The following AUTS2 variants were observed in gnomAD, a reference collection of about 807,000 sequenced individuals.
The protein encoded by AUTS2 is activator of transcription and developmental regulator AUTS2.
Under a neutral mutation model 112.4 loss-of-function variants are expected in AUTS2, and 17 were observed. That is an observed-to-expected ratio of 0.15 (90% CI 0.10 to 0.23). The LOEUF (loss-of-function observed/expected upper bound fraction) is 0.23. Among genes scored for constraint, AUTS2 ranks in the 10% least tolerant of loss-of-function variants. The pLI is 1.00. For synonymous variants in AUTS2, 751 were observed against 702.7 expected (o/e 1.07, Z -1.09); for missense variants, 1,510 against 1,701.6 (o/e 0.89, Z 1.98).
At chr7:69,696,821 T>C (rs1315051183) in intron 1 of AUTS2, among the ~76,000 whole-genome samples, 2 of 152,216 alleles carry the variant, frequency 1.3e-5, no homozygotes, top group Non-Finnish European at 2.9e-5. Flanking sequence ...TGGTAAAATA[T>C]GTATGTCTTT....
In AUTS2 at chr7:70,578,921, T is replaced by C. The variant is rs550984928; in HGVS notation, c.691-119648T>C. 7.3e-4 allele frequency among the ~76,000 whole-genome samples: 104 copies of C among 141,650 alleles called. 1 individual carries two copies. Among genetic ancestry groups the C allele is most frequent in the African/African-American group, 2.4e-3 (92 of 37,556 alleles). The allele number at this position is 141,650 out of a possible 152,430, so 92.9% of individuals were successfully genotyped here. A position where few individuals can be genotyped will look rare whatever the true frequency, so the allele number is the denominator to read the frequency against. On this transcript the variant is annotated intron_variant, in intron 5 of 18. Transcript: ENST00000342771. ...CTTCTTTCCTTTCTTTCTTTTTTTT[T>C]CTTTCTTTTTTTTTTTTTGAGAAAC...
rs1019604396 is a variant in AUTS2 at position 70,694,147 on chromosome 7, C to G, written c.691-4422C>G. Reference sequence around the variant, plus strand: ...CGTAGCCGCCGCCCCCTCCTGCTACCGTCCAGCCAGGGAGCCCGCGGCGGC... The same window carrying G: ...CGTAGCCGCCGCCCCCTCCTGCTACGGTCCAGCCAGGGAGCCCGCGGCGGC... On this transcript the variant is annotated intron_variant, in intron 5 of 18. Transcript: ENST00000342771. The surrounding 1 kb of genome is among the most constrained non-coding windows in gnomAD (Gnocchi z 4.1). The G allele has an allele frequency of 5.3e-5, 8 of 151,300 alleles. No individual in the cohort carries two copies. The highest frequency in any genetic ancestry group is 1.7e-4 in the African/African-American group (7 of 41,344). The allele number at this position is 151,300 out of a possible 1,614,324, so 9.4% of individuals were successfully genotyped here.
intron 3 of AUTS2, among the ~76,000 whole-genome samples, chr7:70,131,464 T>C (rs1488799047): frequency 6.6e-6 from 1 of 152,148 alleles, no homozygotes; most frequent in Non-Finnish European, 1.5e-5. Flanking sequence ...CCTGTCTACT[T>C]TCATGGTTCT....
At position 70,764,989 on chromosome 7, in the gene AUTS2, C is replaced by A. The variant is rs528878518; in HGVS notation, c.1452C>A (p.Ala484=). ...GTCTGCAGGTGGCCGGACACCCGGC[C>A]GGGAGCACTTACTCAGGTAGGACGG... ...SGSLQVAGHP[A]GSTYSEQDIL... Residue 484 remains alanine (A), a synonymous_variant, in exon 8 of 19, where the codon GCC becomes GCA. Coordinates refer to ENST00000342771, the MANE Select transcript of AUTS2 (RefSeq NM_015570.4). 2 of 1,613,830 alleles carry A rather than the reference C, an allele frequency of 1.2e-6. No individual in the cohort carries two copies. Among genetic ancestry groups the A allele is most frequent in the Admixed American group, 1.7e-5 (1 of 60,002 alleles).
At chr7:70,064,464 A>G (rs1475640224) in intron 2 of AUTS2, among the ~76,000 whole-genome samples, 1 of 152,198 alleles carries the variant, frequency 6.6e-6, no homozygotes, top group Non-Finnish European at 1.5e-5. Flanking sequence ...GCCTTGGAAC[A>G]AACAAAAGTG....
chr7:70,375,167 C>G (rs897083838), intron 4 of AUTS2, among the ~76,000 whole-genome samples: 1 of 152,158 alleles, frequency 6.6e-6, no homozygotes, highest in Non-Finnish European at 1.5e-5. Flanking sequence ...CATACTGATT[C>G]AATATGTTAA....
intron 5 of AUTS2, among the ~76,000 whole-genome samples, chr7:70,463,161 C>G (rs1334884012): frequency 5.3e-5 from 8 of 152,194 alleles, no homozygotes; most frequent in African/African-American, 1.9e-4. Context: ...GTTTTGGACC[C>G]ATCTCTAGTA....
chr7:70,776,516 G>C (rs534375684), intron 13 of AUTS2, among the ~76,000 whole-genome samples: 13 of 152,202 alleles, frequency 8.5e-5, no homozygotes, highest in Admixed American at 8.5e-4. Context: ...TTAAACTTAG[G>C]AACAGCGCCC....
intron 13 of AUTS2, 128 bp from the exon 14 acceptor site, chr7:70,776,974 GA>G (rs1188552048): frequency 3.8e-6 from 3 of 799,230 alleles, no homozygotes; most frequent in South Asian, 2.9e-5. Flanking sequence ...GGCACTTGGA[GA>G]GTACAAAGCA....
At chr7:69,875,702 T>C (rs1793699677) in intron 1 of AUTS2, among the ~76,000 whole-genome samples, 1 of 152,208 alleles carries the variant, frequency 6.6e-6, no homozygotes. Flanking sequence ...GGTGTCCCAA[T>C]TGAACCTTAT....
chr7:70,729,423 T>C (rs964294800), intron 6 of AUTS2, among the ~76,000 whole-genome samples: 1 of 152,224 alleles, frequency 6.6e-6, no homozygotes, highest in African/African-American at 2.4e-5. Flanking sequence ...TTCTGTTTTC[T>C]TTCCAGGAAC....
chr7:70,516,268 C>G (rs1035530165), intron 5 of AUTS2, among the ~76,000 whole-genome samples: 1 of 152,096 alleles, frequency 6.6e-6, no homozygotes, highest in Non-Finnish European at 1.5e-5. Flanking sequence ...TAGAAGCTGC[C>G]CCCCTCCTCC....
chr7:70,031,618 AG>A (rs1800784479), intron 2 of AUTS2, among the ~76,000 whole-genome samples: 2 of 152,262 alleles, frequency 1.3e-5, no homozygotes, highest in South Asian at 4.2e-4. Context: ...CATTTGAGGA[AG>A]GCGCTTTGAG....
intron 6 of AUTS2, among the ~76,000 whole-genome samples, chr7:70,702,684 T>G (rs1809522008): frequency 6.6e-6 from 1 of 152,172 alleles, no homozygotes; most frequent in African/African-American, 2.4e-5. Flanking sequence ...ACAGAGCAGC[T>G]GCTCACCCTC....
At chr7:70,522,997 C>T (rs1447582638) in intron 5 of AUTS2, among the ~76,000 whole-genome samples, 1 of 152,160 alleles carries the variant, frequency 6.6e-6, no homozygotes, top group Non-Finnish European at 1.5e-5. Flanking sequence ...AGAATGAGAC[C>T]GCCATTTCTT....
rs528166610 is a variant in AUTS2 at position 69,784,199 on chromosome 7, C to T, written c.310-115087C>T. On this transcript the variant is annotated intron_variant, in intron 1 of 18. Coordinates refer to ENST00000342771, the MANE Select transcript of AUTS2 (RefSeq NM_015570.4). Reference sequence around the variant, plus strand: ...CTATTGCAGAAAAGATTACAGGGTCCTTTAAGATTAGTTTTGGAGAGATCT... The same window carrying T: ...CTATTGCAGAAAAGATTACAGGGTCTTTTAAGATTAGTTTTGGAGAGATCT... 4.6e-5 allele frequency among the ~76,000 whole-genome samples: 7 copies of T among 152,306 alleles called. No individual in the cohort carries two copies. The East Asian group carries it at 7.7e-4, about 17-fold the overall frequency.
At position 70,591,691 on chromosome 7, in the gene AUTS2, G is replaced by A. The variant is rs368631850; in HGVS notation, c.691-106878G>A. Reference sequence around the variant, plus strand: ...TGGGGTTACAGGCATGAGCCACCCCGCCTGCCCCGACTCTCTTCTTAATAT... The same window carrying A: ...TGGGGTTACAGGCATGAGCCACCCCACCTGCCCCGACTCTCTTCTTAATAT... On this transcript the variant is annotated intron_variant, in intron 5 of 18. Transcript: ENST00000342771. Among the ~76,000 whole-genome samples, 333 of 152,208 alleles carry A rather than the reference G, an allele frequency of 2.2e-3. 10 individuals carry two copies. In the South Asian group the frequency reaches 0.047, roughly 21 times the overall value.
intron 5 of AUTS2, among the ~76,000 whole-genome samples, chr7:70,643,781 A>G (rs13232238): frequency 6.6e-6 from 1 of 152,174 alleles, no homozygotes; most frequent in African/African-American, 2.4e-5. Flanking sequence ...AACCCTGTCC[A>G]AACCTGTTCC....
intron 3 of AUTS2, among the ~76,000 whole-genome samples, chr7:70,125,186 G>A (rs536663340): frequency 1.3e-5 from 2 of 151,820 alleles, no homozygotes; most frequent in African/African-American, 4.8e-5. Context: ...GTTGGGTACT[G>A]GGTATTTCTG....
Sources: gnomAD v4.1 joint callset for allele counts (sites outside exome capture counted in the v4.1 genomes callset) on GRCh38, gnomAD v4.1.1 for gene constraint, Gnocchi (gnomAD v3.1) non-coding constraint, MANE v1.5 for transcripts, NCBI Gene and HGNC (gene_info 2026-07-23, HGNC 2026-07-21) for gene names.